GTF2A1L: variants seen among roughly 807,000 people sequenced by gnomAD.
GTF2A1L encodes the protein general transcription factor IIA subunit 1 like.
GTF2A1L carries 48 observed loss-of-function variants against 49.7 expected under a neutral mutation model. The ratio of observed to expected loss-of-function variants is 0.97; its 90% CI spans 0.77 to 1.23. The LOEUF (loss-of-function observed/expected upper bound fraction) is 1.23, where lower values mean the gene tolerates loss of function less well. GTF2A1L is among the 50% of genes most tolerant of loss of function. The pLI is 0.00. For synonymous variants in GTF2A1L, 246 were observed against 193.5 expected (o/e 1.27, Z -2.25); for missense variants, 736 against 564.8 (o/e 1.30, Z -3.07).
intron 3 of GTF2A1L, among the ~76,000 whole-genome samples, chr2:48,640,916 C>G (rs1677163613): frequency 6.6e-6 from 1 of 151,854 alleles, no homozygotes. Flanking sequence ...AGTTTAGTAT[C>G]AAAATTAAGT....
chr2:48,678,173 G>C (rs766355411), intron 8 of GTF2A1L, among the ~76,000 whole-genome samples: 1 of 151,760 alleles, frequency 6.6e-6, no homozygotes, highest in Non-Finnish European at 1.5e-5. Flanking sequence ...AACTATTGTT[G>C]TATATCTAGA....
At chr2:48,627,409 A>C (rs2104090901) in intron 3 of GTF2A1L, among the ~76,000 whole-genome samples, 1 of 144,042 alleles carries the variant, frequency 6.9e-6, no homozygotes, top group Middle Eastern at 3.5e-3. Context: ...GGTTATTTGG[A>C]AAAATTGGTT....
intron 3 of GTF2A1L, among the ~76,000 whole-genome samples, chr2:48,623,065 T>C (rs1676097318): frequency 6.6e-6 from 1 of 152,150 alleles, no homozygotes; most frequent in Non-Finnish European, 1.5e-5. Flanking sequence ...TTCTACATCA[T>C]TTATAATGAA....
In GTF2A1L at chr2:48,619,495, T is replaced by A. The variant is rs983849235; in HGVS notation, c.22-1356T>A. Among the ~76,000 whole-genome samples the A allele has an allele frequency of 6.0e-5, 9 of 148,924 alleles. 1 individual carries two copies. Among genetic ancestry groups the A allele is most frequent in the Admixed American group, 2.7e-4 (4 of 14,872 alleles). On this transcript the variant is annotated intron_variant, in intron 1 of 8. Coordinates refer to ENST00000403751, the MANE Select transcript of GTF2A1L (RefSeq NM_006872.5). ...AAAAAAAAAAAAATAATAATAATAA[T>A]AAAAAAAAAGCACAGCTACTCTTGG...
intron 3 of GTF2A1L, among the ~76,000 whole-genome samples, chr2:48,623,857 C>T (rs1199487402): frequency 1.3e-5 from 2 of 152,242 alleles, no homozygotes; most frequent in Non-Finnish European, 2.9e-5. Context: ...GGGAGTTAAA[C>T]ATTGGGTACA....
chr2:48,622,267 G>A (rs984318053), intron 3 of GTF2A1L, among the ~76,000 whole-genome samples: 1 of 152,186 alleles, frequency 6.6e-6, no homozygotes, highest in Non-Finnish European at 1.5e-5. Context: ...AATGAATGTT[G>A]AATTAGCAAA....
At chr2:48,659,417 C>T (rs1678366633) in intron 6 of GTF2A1L, among the ~76,000 whole-genome samples, 1 of 152,018 alleles carries the variant, frequency 6.6e-6, no homozygotes, top group Admixed American at 6.6e-5. Context: ...TTAAGACTTT[C>T]AATTTGATTC....
At chr2:48,667,050 A>G (rs1051238623) in intron 6 of GTF2A1L, among the ~76,000 whole-genome samples, 2 of 150,808 alleles carry the variant, frequency 1.3e-5, no homozygotes, top group Admixed American at 6.6e-5. Flanking sequence ...TGCAGCCTCA[A>G]CCTCCCTGGG....
chr2:48,647,074 G>C (rs771512652), intron 6 of GTF2A1L, 32 bp downstream of exon 6: 3 of 1,527,040 alleles, frequency 2.0e-6, no homozygotes, highest in South Asian at 2.6e-5. Flanking sequence ...CTTGGTATCA[G>C]GGGACAGATA....
At chr2:48,634,215 G>A (rs563327015) in intron 3 of GTF2A1L, among the ~76,000 whole-genome samples, 1 of 152,258 alleles carries the variant, frequency 6.6e-6, no homozygotes, top group Admixed American at 6.5e-5. Context: ...GGGTTCAAGA[G>A]GTTCTCCTGC....
chr2:48,651,427 T>C (rs1273730330), intron 6 of GTF2A1L, among the ~76,000 whole-genome samples: 2 of 145,590 alleles, frequency 1.4e-5, no homozygotes, highest in African/African-American at 5.4e-5. Context: ...AATTTTTATG[T>C]TGTGAGTTCT....
At chr2:48,633,706 A>T (rs1034841504) in intron 3 of GTF2A1L, among the ~76,000 whole-genome samples, 3 of 152,128 alleles carry the variant, frequency 2.0e-5, no homozygotes, top group African/African-American at 7.2e-5. Flanking sequence ...TGCCTCGATG[A>T]TCTAATGTTT....
intron 6 of GTF2A1L, among the ~76,000 whole-genome samples, chr2:48,663,609 T>TAA (rs992762986): frequency 6.6e-6 from 1 of 152,198 alleles, no homozygotes; most frequent in African/African-American, 2.4e-5. Context: ...ATTTAAAACA[T>TAA]AAAATGCTAT....
intron 7 of GTF2A1L, among the ~76,000 whole-genome samples, chr2:48,670,952 T>A (rs539817781): frequency 6.6e-6 from 1 of 152,024 alleles, no homozygotes; most frequent in East Asian, 1.9e-4. Flanking sequence ...GCCTCCTGAG[T>A]AGCTAGGATT....
rs112882113 is a variant in GTF2A1L at position 48,650,597 on chromosome 2, A to G, written c.978+3555A>G. Reference sequence around the variant, plus strand: ...TAGAATTCATTTAAATTGAGTAAATACTTTTTGAGTCTCTATATGCCATTG... The same window carrying G: ...TAGAATTCATTTAAATTGAGTAAATGCTTTTTGAGTCTCTATATGCCATTG... On this transcript the variant is annotated intron_variant, in intron 6 of 8. Coordinates refer to ENST00000403751, the MANE Select transcript of GTF2A1L (RefSeq NM_006872.5). 1.6e-4 allele frequency among the ~76,000 whole-genome samples: 24 copies of G among 152,334 alleles called. 3 individuals carry two copies. The highest frequency in any genetic ancestry group is 5.8e-4 in the African/African-American group (24 of 41,576).
At chr2:48,638,196 T>C (rs1677007202) in intron 3 of GTF2A1L, among the ~76,000 whole-genome samples, 1 of 152,120 alleles carries the variant, frequency 6.6e-6, no homozygotes, top group Non-Finnish European at 1.5e-5. Context: ...TTTCAAAAAA[T>C]TGAGGAGGAA....
At chr2:48,657,560 A>G (rs752536384) in intron 6 of GTF2A1L, among the ~76,000 whole-genome samples, 1 of 152,180 alleles carries the variant, frequency 6.6e-6, no homozygotes, top group Non-Finnish European at 1.5e-5. Context: ...ACTTCAATAA[A>G]CATAAGAGTG....
At chr2:48,647,151 G>T in intron 6 of GTF2A1L, 109 bp downstream of exon 6, 8 of 1,059,240 alleles carry the variant, frequency 7.6e-6, no homozygotes, top group Middle Eastern at 3.1e-4. Flanking sequence ...TATATATTTT[G>T]TTTTTTTCTT....
In GTF2A1L at chr2:48,625,469, A is replaced by G. The variant is rs1411072959; in HGVS notation, c.247+4179A>G. The stretch of plus-strand genomic sequence containing the variant: ...ATATATTTTGGATATTAAGCCCTTT[A>G]TCAGATATATGGTTTGCAAATATTT... On this transcript the variant is annotated intron_variant, in intron 3 of 8. Transcript: ENST00000403751. 1.4e-5 allele frequency among the ~76,000 whole-genome samples: 2 copies of G among 144,304 alleles called. 1 individual carries two copies. Among genetic ancestry groups the G allele is most frequent in the Non-Finnish European group, 3.1e-5 (2 of 64,096 alleles). The allele number at this position is 144,304 out of a possible 152,430, so 94.7% of individuals were successfully genotyped here.
Sources: gnomAD v4.1 joint callset for allele counts (sites outside exome capture counted in the v4.1 genomes callset) on GRCh38, gnomAD v4.1.1 for gene constraint, MANE v1.5 for transcripts, NCBI Gene and HGNC (gene_info 2026-07-23, HGNC 2026-07-21) for gene names.